CCDC85A: variants seen among roughly 807,000 people sequenced by gnomAD.
CCDC85A encodes coiled-coil domain-containing protein 85A.
Under a neutral mutation model 50.2 loss-of-function variants are expected in CCDC85A, and 38 were observed. The ratio of observed to expected loss-of-function variants is 0.76; its 90% CI spans 0.58 to 0.99. CCDC85A has a LOEUF of 0.99. Ranked by LOEUF, CCDC85A falls within the 50% of genes least tolerant of loss-of-function variation. The pLI, the probability that CCDC85A is intolerant of heterozygous loss-of-function variation, is 0.00. For synonymous variants in CCDC85A, 366 were observed against 301.4 expected (o/e 1.21, Z -2.22); for missense variants, 820 against 742.0 (o/e 1.11, Z -1.22).
At chr2:56,356,236 T>C (rs1316047962) in intron 3 of CCDC85A, among the ~76,000 whole-genome samples, 3 of 152,224 alleles carry the variant, frequency 2.0e-5, no homozygotes, top group African/African-American at 7.2e-5. Context: ...TAACAGAAGC[T>C]ACAGTTAAAA....
rs146620091 is a variant in CCDC85A, at chr2:56,219,893, A to C, written c.1240+26453A>C. On this transcript the variant is annotated intron_variant, in intron 2 of 5. Coordinates refer to ENST00000407595, the MANE Select transcript of CCDC85A (RefSeq NM_001080433.2). ...CCTTGCTTTCATGACACTAAAATATAGTAGAAACGACAGAGCCAGAAACAA... is the reference window on the plus strand; with the variant it reads ...CCTTGCTTTCATGACACTAAAATATCGTAGAAACGACAGAGCCAGAAACAA... 1.7e-3 allele frequency among the ~76,000 whole-genome samples: 266 copies of C among 152,142 alleles called. 2 individuals carry two copies. Among genetic ancestry groups the C allele is most frequent in the African/African-American group, 6.0e-3 (249 of 41,548 alleles).
In CCDC85A at chr2:56,349,417, A is replaced by T. The variant is rs74881994; in HGVS notation, c.1317+6462A>T. ...ATAATTAGATATGAAAAGTAAATTT[A>T]TGGAGAAAAAATCATGCTAGAAAAC... On this transcript the variant is annotated intron_variant, in intron 3 of 5. Transcript: ENST00000407595. 3.5e-3 allele frequency among the ~76,000 whole-genome samples: 538 copies of T among 152,308 alleles called. 4 individuals carry two copies. The highest frequency in any genetic ancestry group is 0.012 in the African/African-American group (505 of 41,576).
chr2:56,336,444 G>A (rs1674079560), intron 2 of CCDC85A, among the ~76,000 whole-genome samples: 1 of 152,136 alleles, frequency 6.6e-6, no homozygotes, highest in Non-Finnish European at 1.5e-5. Flanking sequence ...GCAAGCCAGT[G>A]TGCCCAGCCT....
At chr2:56,340,338 T>G (rs1248816713) in intron 2 of CCDC85A, among the ~76,000 whole-genome samples, 1 of 152,204 alleles carries the variant, frequency 6.6e-6, no homozygotes, top group Non-Finnish European at 1.5e-5. Flanking sequence ...CTGTGGATCC[T>G]TAGGGGCTCC....
chr2:56,286,289 T>A (rs950747838), intron 2 of CCDC85A, among the ~76,000 whole-genome samples: 1 of 152,240 alleles, frequency 6.6e-6, no homozygotes, highest in Non-Finnish European at 1.5e-5. Flanking sequence ...ATTCAGCTAG[T>A]ATTTCTTCAA....
intron 2 of CCDC85A, among the ~76,000 whole-genome samples, chr2:56,294,035 G>A (rs2104158855): frequency 6.6e-6 from 1 of 152,250 alleles, no homozygotes; most frequent in African/African-American, 2.4e-5. Flanking sequence ...ATTTACAATA[G>A]CAAAGACATG....
chr2:56,384,425 G>C lies in CCDC85A; in HGVS notation c.*70G>C. 1.5e-6 allele frequency: 2 copies of C among 1,375,240 alleles called. No individual in the cohort carries two copies. The highest frequency in any genetic ancestry group is 2.3e-5 in the South Asian group (2 of 85,408). The allele number at this position is 1,375,240 out of a possible 1,614,324, so 85.2% of individuals were successfully genotyped here. On this transcript the variant is annotated 3_prime_UTR_variant, in exon 6 of 6. Coordinates refer to ENST00000407595, the MANE Select transcript of CCDC85A (RefSeq NM_001080433.2). The stretch of plus-strand genomic sequence containing the variant: ...ATAGAAGACAAGAAGAAAAAGGAAA[G>C]AGTGGGTTTCCACAAACCTGGACTC...
At chr2:56,329,945 GTTTTTTTTTTTTTTT>G (rs535050957) in intron 2 of CCDC85A, among the ~76,000 whole-genome samples, 78 of 44,166 alleles carry the variant, frequency 1.8e-3, no homozygotes, top group Non-Finnish European at 2.1e-3. Flanking sequence ...CAGATTTCCT[GTTTTTTTTTTTTTTT>G]TTTTTTTTTT....
At chr2:56,302,001 A>G (rs1296889190) in intron 2 of CCDC85A, among the ~76,000 whole-genome samples, 1 of 152,212 alleles carries the variant, frequency 6.6e-6, no homozygotes, top group Non-Finnish European at 1.5e-5. Context: ...CACGCCTGTA[A>G]TCCCAGCTCT....
At chr2:56,242,877 T>G (rs1189932415) in intron 2 of CCDC85A, among the ~76,000 whole-genome samples, 2 of 152,094 alleles carry the variant, frequency 1.3e-5, no homozygotes, top group African/African-American at 4.8e-5. Context: ...TGTCTTCTGT[T>G]AGTAATTTAT....
At chr2:56,270,773 G>T (rs1394610966) in intron 2 of CCDC85A, among the ~76,000 whole-genome samples, 1 of 152,158 alleles carries the variant, frequency 6.6e-6, no homozygotes, top group Non-Finnish European at 1.5e-5. Context: ...TAAAGACAAA[G>T]GTGTTTAATG....
intron 2 of CCDC85A, among the ~76,000 whole-genome samples, chr2:56,322,936 C>T (rs568909858): frequency 6.6e-6 from 1 of 152,250 alleles, no homozygotes; most frequent in Admixed American, 6.5e-5. Flanking sequence ...AAATGTGGCA[C>T]ATATACACCA....
intron 2 of CCDC85A, among the ~76,000 whole-genome samples, chr2:56,250,305 T>C (rs1436795636): frequency 1.3e-5 from 2 of 152,198 alleles, no homozygotes; most frequent in East Asian, 3.8e-4. Context: ...ATGCTGTAAT[T>C]GGCACAGAGA....
intron 3 of CCDC85A, among the ~76,000 whole-genome samples, chr2:56,357,346 G>T (rs746139848): frequency 6.6e-6 from 1 of 152,158 alleles, no homozygotes; most frequent in African/African-American, 2.4e-5. Context: ...TCATGAGAGT[G>T]TGATAAGACA....
intron 2 of CCDC85A, among the ~76,000 whole-genome samples, chr2:56,327,283 T>A (rs78648256): frequency 0.013 from 1,909 of 152,250 alleles, 52 homozygotes; most frequent in African/African-American, 0.043. Context: ...ATCATCTACC[T>A]CAGTATTCAT....
chr2:56,240,825 A>T (rs79035341), intron 2 of CCDC85A, among the ~76,000 whole-genome samples: 2,636 of 152,198 alleles, frequency 0.017, 80 homozygotes, highest in African/African-American at 0.061. Flanking sequence ...TTTTGCTATT[A>T]TGAGTAAGGC....
At chr2:56,300,573 G>A (rs1672155824) in intron 2 of CCDC85A, among the ~76,000 whole-genome samples, 1 of 152,166 alleles carries the variant, frequency 6.6e-6, no homozygotes, top group African/African-American at 2.4e-5. Context: ...AAAAACATAG[G>A]AGCAGAAAAC....
chr2:56,278,156 CT>C (rs1355626718), intron 2 of CCDC85A, among the ~76,000 whole-genome samples: 7 of 152,154 alleles, frequency 4.6e-5, no homozygotes, highest in Non-Finnish European at 7.4e-5. Context: ...TCTTTAGTGT[CT>C]TTCCCCCATG....
chr2:56,289,494 A>G (rs549971012), intron 2 of CCDC85A, among the ~76,000 whole-genome samples: 8 of 152,248 alleles, frequency 5.3e-5, no homozygotes, highest in Admixed American at 2.0e-4. Flanking sequence ...GGGTGGTAGA[A>G]GGACATTATA....
Sources: allele counts gnomAD v4.1 joint callset (sites outside exome capture counted in the v4.1 genomes callset), GRCh38; gene constraint gnomAD v4.1.1; transcripts MANE v1.5; gene names NCBI Gene and HGNC (gene_info 2026-07-23, HGNC 2026-07-21).